ARIH2: variants seen among roughly 807,000 people sequenced by gnomAD.
ARIH2 encodes E3 ubiquitin-protein ligase ARIH2.
In ARIH2, 12 loss-of-function variants were observed where a neutral mutation model predicts 79.8. The ratio of observed to expected loss-of-function variants is 0.15; its 90% confidence interval spans 0.10 to 0.24. The LOEUF is 0.24. Ranked by LOEUF, ARIH2 falls within the 10% of genes least tolerant of loss-of-function variation. ARIH2 has a pLI of 1.00. For synonymous variants in ARIH2, 224 were observed against 213.9 expected, an observed-to-expected ratio of 1.05 and a Z score of -0.41; for missense variants, 301 against 618.3, an observed-to-expected ratio of 0.49 and a Z score of 5.44.
At position 48,979,641 on chromosome 3, in the gene ARIH2, T is replaced by C. The variant is rs760456893; in HGVS notation, c.1113+8T>C. The C allele has an allele frequency of 6.2e-7, 1 of 1,613,574 alleles. No homozygotes were observed. Among genetic ancestry groups the C allele is most frequent in the Non-Finnish European group, 8.5e-7 (1 of 1,179,872 alleles). ...TTATTCTACTTTGAGAGGGTAGGTG[T>C]CCTCTCCTGTACCTTCCCCTACAGG... On this transcript the variant is annotated splice_region_variant and intron_variant, in intron 12 of 15. Coordinates refer to ENST00000356401, the MANE Select transcript of ARIH2 (RefSeq NM_006321.4).
chr3:48,921,431 C>CTTTTTTTTT (rs955481630), intron 1 of ARIH2: 1 of 111,290 alleles, frequency 9.0e-6, no homozygotes, highest in Non-Finnish European at 1.9e-5. Flanking sequence ...TGGGCAATTT[C>CTTTTTTTTT]TTTTTTTTTT....
At chr3:48,920,039 C>T (rs1444786707) in intron 1 of ARIH2, among the ~76,000 whole-genome samples, 1 of 144,396 alleles carries the variant, frequency 6.9e-6, no homozygotes, top group African/African-American at 2.6e-5. Flanking sequence ...AGTGCAGTGG[C>T]GGCGATCACA....
intron 3 of ARIH2, among the ~76,000 whole-genome samples, chr3:48,948,902 A>G (rs189398602): frequency 5.9e-5 from 9 of 152,262 alleles, no homozygotes; most frequent in African/African-American, 2.2e-4. Flanking sequence ...ATTGCTGAAT[A>G]ATGATTTTCC....
At chr3:48,981,510 C>T (rs1036295472) in intron 13 of ARIH2, 150 bp from the exon 14 acceptor site, 47 of 499,550 alleles carry the variant, frequency 9.4e-5, no homozygotes, top group Non-Finnish European at 1.5e-4. Flanking sequence ...CCCAATTCAT[C>T]CTCTATTTGG....
intron 4 of ARIH2, among the ~76,000 whole-genome samples, chr3:48,962,307 G>A (rs1365455271): frequency 1.3e-5 from 2 of 151,882 alleles, no homozygotes; most frequent in African/African-American, 4.8e-5. Flanking sequence ...AACCCTGGAG[G>A]CAGAGGTTGC....
At chr3:48,948,236 C>G (rs926263616) in intron 3 of ARIH2, among the ~76,000 whole-genome samples, 6 of 152,002 alleles carry the variant, frequency 3.9e-5, no homozygotes, top group Non-Finnish European at 8.8e-5. Flanking sequence ...GCTGGGATTA[C>G]CGGCGTGAGC....
intron 11 of ARIH2, among the ~76,000 whole-genome samples, chr3:48,979,088 G>A (rs998131816): frequency 1.3e-5 from 2 of 152,188 alleles, no homozygotes; most frequent in African/African-American, 2.4e-5. Flanking sequence ...GGAAGCAGTA[G>A]GGAGGTCAGT....
chr3:48,979,549 C>A lies in ARIH2; in HGVS notation c.1029C>A (p.Tyr343Ter). 1 of 1,614,220 alleles carries A rather than the reference C, an allele frequency of 6.2e-7. No homozygotes were observed. Residue 343 changes from tyrosine to a stop codon, truncating the protein, a stop_gained, in exon 12 of 16, where the codon TAC becomes TAA. Coordinates refer to ENST00000356401, the MANE Select transcript of ARIH2 (RefSeq NM_006321.4). LOFTEE classifies it high-confidence loss of function. ...GTGAATACTATGAGTGCAGTCGTTA[C>A]AAGGAGAATCCTGACATCGTGAACC... Reference protein sequence around the residue: ...HGSEYYECSRYKENPDIVNQS... With the variant: ...HGSEYYECSR
chr3:48,965,714 A>C (rs1251169610), intron 5 of ARIH2, among the ~76,000 whole-genome samples: 13 of 152,096 alleles, frequency 8.5e-5, no homozygotes. Flanking sequence ...TAATCCCAGC[A>C]CTTTGGGGGG....
At chr3:48,945,089 G>A (rs771569821) in intron 3 of ARIH2, 30 of 1,286,152 alleles carry the variant, frequency 2.3e-5, no homozygotes, top group Non-Finnish European at 3.0e-5. Flanking sequence ...CAGTTGGCAA[G>A]TAAGAATTCT....
chr3:48,923,334 AG>A (rs1027824313), intron 2 of ARIH2, among the ~76,000 whole-genome samples: 6 of 151,764 alleles, frequency 4.0e-5, no homozygotes, highest in African/African-American at 1.2e-4. Flanking sequence ...CGGAAGGCAG[AG>A]GTTGCAGTGA....
intron 11 of ARIH2, 197 bp downstream of exon 11, chr3:48,975,176 C>G (rs548414246): frequency 1.3e-6 from 1 of 785,400 alleles, no homozygotes; most frequent in African/African-American, 1.7e-5. Flanking sequence ...AATCCCACTG[C>G]TATCTTGCTA....
At chr3:48,972,257 A>T (rs1016863599) in intron 8 of ARIH2, among the ~76,000 whole-genome samples, 1 of 151,630 alleles carries the variant, frequency 6.6e-6, no homozygotes. Flanking sequence ...GCAGCCTCAA[A>T]CCCCTGGGAT....
At chr3:48,931,323 A>T (rs1576161709) in intron 3 of ARIH2, among the ~76,000 whole-genome samples, 2 of 152,168 alleles carry the variant, frequency 1.3e-5, no homozygotes, top group Non-Finnish European at 1.5e-5. Context: ...AGGCGGGTGG[A>T]TCACGAGGTC....
intron 3 of ARIH2, chr3:48,934,438 GTTA>G (rs932617273): frequency 8.1e-6 from 8 of 984,650 alleles, no homozygotes; most frequent in Admixed American, 1.2e-4. Context: ...TGTTGTTGTT[GTTA>G]TTATTGTTGC....
chr3:48,954,134 G>A (rs907845067), intron 3 of ARIH2, among the ~76,000 whole-genome samples: 2 of 151,070 alleles, frequency 1.3e-5, no homozygotes, highest in African/African-American at 4.9e-5. Context: ...GCATTCCAGC[G>A]TGGGGACAGG....
intron 3 of ARIH2, among the ~76,000 whole-genome samples, chr3:48,950,537 T>G (rs1281573881): frequency 6.6e-6 from 1 of 152,210 alleles, no homozygotes; most frequent in Non-Finnish European, 1.5e-5. Context: ...TCTACAGATT[T>G]TGCAATCAAC....
In ARIH2 at chr3:48,970,657, G is replaced by A. The variant is rs1447866998; in HGVS notation, c.723G>A (p.Glu241=). 1.9e-6 allele frequency: 3 copies of A among 1,614,132 alleles called. No individual in the cohort carries two copies. The Admixed American group carries it at 5.0e-5, about 27-fold the overall frequency. ...ADCPMVIRVQ[E]PRARRVQCNR... ...GCCCCATGGTTATTCGGGTACAGGA[G>A]CCTAGAGCTCGCCGAGTACAGTGCA... Residue 241 remains glutamate, a synonymous_variant, in exon 8 of 16, where the codon GAG becomes GAA. Transcript: ENST00000356401.
intron 3 of ARIH2, among the ~76,000 whole-genome samples, chr3:48,951,799 G>A (rs1209972869): frequency 6.6e-6 from 1 of 151,858 alleles, no homozygotes; most frequent in African/African-American, 2.4e-5. Context: ...TGGATAATTT[G>A]TTTTCTCTTT....
Sources: allele counts gnomAD v4.1 joint callset (sites outside exome capture counted in the v4.1 genomes callset), GRCh38; gene constraint gnomAD v4.1.1; transcripts MANE v1.5; gene names NCBI Gene and HGNC (gene_info 2026-07-23, HGNC 2026-07-21).